Variants in ZNF276 observed in about 807,000 individuals in gnomAD.
The protein encoded by ZNF276 is zinc finger protein 276.
Under a neutral mutation model 63.9 loss-of-function variants are expected in ZNF276, and 59 were observed. That is an observed-to-expected ratio of 0.92 (90% CI 0.75 to 1.15). ZNF276 has a LOEUF of 1.15. Ranked by LOEUF, ZNF276 falls within the 50% of genes most tolerant of loss-of-function variation. The probability of loss-of-function intolerance (pLI) is 0.00; values close to 1 mark genes in which losing one functional copy is unlikely to be tolerated. For missense variants in ZNF276, 1,084 were observed against 843.8 expected, an observed-to-expected ratio of 1.28 and a Z score of -3.53; for synonymous variants, 496 against 348.4, an observed-to-expected ratio of 1.42 and a Z score of -4.72.
At chr16:89,726,610 C>T (rs915888066) in intron 4 of ZNF276, among the ~76,000 whole-genome samples, 6 of 151,970 alleles carry the variant, frequency 3.9e-5, no homozygotes, top group Non-Finnish European at 5.9e-5. Context: ...GGATTACAGG[C>T]GTGAGCCACT....
At position 89,721,852 on chromosome 16, in the gene ZNF276, C is replaced by A; in HGVS notation, c.205+7C>A. The stretch of plus-strand genomic sequence containing the variant: ...GACGGCGCGGACGAGGCAGGTGGGT[C>A]CGCGGCCCGGGCGTGGCGGGTTGGG... On this transcript the variant is annotated splice_region_variant and intron_variant, in intron 1 of 10. Transcript: ENST00000443381. 8.3e-7 allele frequency: 1 copy of A among 1,206,590 alleles called. No homozygotes were observed. Among genetic ancestry groups the A allele is most frequent in the South Asian group, 4.1e-5 (1 of 24,266 alleles). 74.7% of individuals were successfully genotyped at this position (1,206,590 alleles called of 1,614,324 possible). A position where few individuals can be genotyped will look rare whatever the true frequency, so the allele number is the denominator to read the frequency against.
In ZNF276 at chr16:89,721,592, C is replaced by T; in HGVS notation, c.-49C>T. On this transcript the variant is annotated 5_prime_UTR_variant, in exon 1 of 11. Transcript: ENST00000443381. Reference sequence around the variant, plus strand: ...AGCCTAACGCCGGGTCCTCTAGGAACCTCGGGCCGGGCAGCACCCGCGGGA... The same window carrying T: ...AGCCTAACGCCGGGTCCTCTAGGAATCTCGGGCCGGGCAGCACCCGCGGGA... The T allele has an allele frequency of 1.4e-6, 2 of 1,462,714 alleles. No homozygotes were observed. The highest frequency in any genetic ancestry group is 1.8e-6 in the Non-Finnish European group (2 of 1,110,448). 90.6% of individuals were successfully genotyped at this position (1,462,714 alleles called of 1,614,324 possible).
At position 89,721,578 on chromosome 16, in the gene ZNF276, G is replaced by C; in HGVS notation, c.-63G>C. 1 of 1,419,136 alleles carries C rather than the reference G, an allele frequency of 7.0e-7. No individual in the cohort carries two copies. The highest frequency in any genetic ancestry group is 1.3e-5 in the South Asian group (1 of 75,802). The allele number at this position is 1,419,136 out of a possible 1,614,324, so 87.9% of individuals were successfully genotyped here. On this transcript the variant is annotated 5_prime_UTR_variant, in exon 1 of 11. Transcript: ENST00000443381. Reference sequence around the variant, plus strand: ...AGCGCGCCGAGCGGAGCCTAACGCCGGGTCCTCTAGGAACCTCGGGCCGGG... The same window carrying C: ...AGCGCGCCGAGCGGAGCCTAACGCCCGGTCCTCTAGGAACCTCGGGCCGGG...
At chr16:89,729,355 T>G in intron 6 of ZNF276, 37 bp downstream of exon 6, 1 of 1,591,724 alleles carries the variant, frequency 6.3e-7, no homozygotes, top group Non-Finnish European at 8.6e-7. Context: ...GAGGCATCCG[T>G]TGGGCGACCT....
chr16:89,740,128 A>G lies in ZNF276; in HGVS notation c.*1882A>G. On this transcript the variant is annotated 3_prime_UTR_variant, in exon 11 of 11. Transcript: ENST00000443381. ...TAAACCGCAGGAGACCAACCCTGAG[A>G]ATGGCCGACCTGGTGCTCCCATGGG... 1 of 1,586,088 alleles carries G rather than the reference A, an allele frequency of 6.3e-7. No homozygotes were observed. The highest frequency in any genetic ancestry group is 8.7e-7 in the Non-Finnish European group (1 of 1,155,028).
In ZNF276 at chr16:89,733,317, G is replaced by A. The variant is rs200120406; in HGVS notation, c.1185G>A (p.Lys395=). Residue 395 remains lysine (K), a synonymous_variant, in exon 7 of 11, where the codon AAG becomes AAA. Coordinates refer to ENST00000443381, the MANE Select transcript of ZNF276 (RefSeq NM_001113525.2). ...PYPERKVSGK[K]SESKEAKKSE... is the part of the protein sequence containing the mutation. Reference sequence around the variant, plus strand: ...TTTTTTTCAGAGTCTCTGGTAAGAAGAGTGAAAGCAAAGAAGCCAAGAAGT... The same window carrying A: ...TTTTTTTCAGAGTCTCTGGTAAGAAAAGTGAAAGCAAAGAAGCCAAGAAGT... 4.3e-6 allele frequency: 7 copies of A among 1,614,068 alleles called. No homozygotes were observed. The highest frequency in any genetic ancestry group is 1.7e-5 in the Admixed American group (1 of 60,016).
chr16:89,723,784 A>G, intron 4 of ZNF276, 75 bp downstream of exon 4: 1 of 1,432,762 alleles, frequency 7.0e-7, no homozygotes, highest in Non-Finnish European at 9.4e-7. Flanking sequence ...GCAGAAAGTG[A>G]ATGTCTCCAC....
intron 6 of ZNF276, among the ~76,000 whole-genome samples, chr16:89,731,216 A>G (rs1407735971): frequency 6.6e-6 from 1 of 152,224 alleles, no homozygotes; most frequent in Admixed American, 6.5e-5. Flanking sequence ...CAGGGAGAGA[A>G]GGCGCAGCCT....
chr16:89,729,223 CTT>C lies in ZNF276; in HGVS notation c.1086-11_1086-10del. 1 of 1,613,628 alleles carries C rather than the reference CTT, an allele frequency of 6.2e-7. No homozygotes were observed. Among genetic ancestry groups the C allele is most frequent in the Non-Finnish European group, 8.5e-7 (1 of 1,179,582 alleles). ...CCCAGGGCTTTGCTGAAGATTCTCTCTTAATTCCTAGAGACGTCTTGAGTGAA... is the reference window on the plus strand; with the variant it reads ...CCCAGGGCTTTGCTGAAGATTCTCTCAATTCCTAGAGACGTCTTGAGTGAA... On this transcript the variant is annotated splice_polypyrimidine_tract_variant and intron_variant, in intron 5 of 10. Coordinates refer to ENST00000443381, the MANE Select transcript of ZNF276 (RefSeq NM_001113525.2).
chr16:89,723,137 G>A lies in ZNF276; in HGVS notation c.510G>A (p.Lys170=). The A allele has an allele frequency of 1.2e-6, 2 of 1,613,214 alleles. No individual in the cohort carries two copies. The highest frequency in any genetic ancestry group is 1.7e-6 in the Non-Finnish European group (2 of 1,180,038). The change falls in exon 3 of 11, where the codon AAG becomes AAA. Residue 170 remains lysine (K), a splice_region_variant and synonymous_variant. Coordinates refer to ENST00000443381, the MANE Select transcript of ZNF276 (RefSeq NM_001113525.2). ...TCATGGCCACACTGATCCTTTGCAG[G>A]GTCGGTGCCCAGCCCCCAACAGGGG... ...SPAGRRKPCA[K]VGAQPPTGAE...
At position 89,723,665 on chromosome 16, in the gene ZNF276, C is replaced by G; in HGVS notation, c.962C>G (p.Ser321Trp). ...PSDSDAVGPRSGFPPQPSLPL... is the reference protein window; with the variant it reads ...PSDSDAVGPRWGFPPQPSLPL... ...GACAGCGACGCGGTGGGGCCCAGGT[C>G]GGGCTTCCCACCTCAGCCAAGCCTG... Residue 321 changes from serine (S) to tryptophan (W), a missense_variant, in exon 4 of 11, where the codon TCG (serine) becomes TGG (tryptophan). Ser to Trp is a radical substitution (Grantham distance 177). Coordinates refer to ENST00000443381, the MANE Select transcript of ZNF276 (RefSeq NM_001113525.2). 1.9e-6 allele frequency: 3 copies of G among 1,612,180 alleles called. No individual in the cohort carries two copies. Among genetic ancestry groups the G allele is most frequent in the South Asian group, 1.1e-5 (1 of 91,054 alleles).
chr16:89,722,057 C>T (rs1212660932), intron 1 of ZNF276, among the ~76,000 whole-genome samples: 4 of 152,130 alleles, frequency 2.6e-5, no homozygotes, highest in Admixed American at 1.3e-4. Flanking sequence ...CCTCCCCGGC[C>T]GCGGGCTCGG....
chr16:89,735,890 T>G (rs2061852902), intron 9 of ZNF276, among the ~76,000 whole-genome samples: 2 of 50,700 alleles, frequency 3.9e-5, no homozygotes, highest in South Asian at 1.1e-3. Context: ...TGTTTTTTTT[T>G]GTTTGTTTGT....
At chr16:89,731,930 C>T (rs1385432980) in intron 6 of ZNF276, 1 of 152,140 alleles carries the variant, frequency 6.6e-6, no homozygotes, top group African/African-American at 2.4e-5. Flanking sequence ...TTTTCTTTTT[C>T]TTGCCCAGTT....
At chr16:89,720,569 CT>C, upstream of ZNF276, 1 of 1,193,756 alleles carries the variant, frequency 8.4e-7, no homozygotes, top group Non-Finnish European at 1.0e-6. Flanking sequence ...TCCGCAGGAT[CT>C]GAGCTGTCCA....
intron 9 of ZNF276, among the ~76,000 whole-genome samples, chr16:89,736,931 A>G (rs1172956235): frequency 3.9e-5 from 6 of 152,102 alleles, no homozygotes; most frequent in African/African-American, 1.4e-4. Flanking sequence ...CGTAGAGTAA[A>G]ATGCCAAGAT....
rs1163190624 is a variant in ZNF276, at chr16:89,738,105, C to T, written c.1704C>T (p.Asn568=). The change falls in exon 11 of 11, where the codon AAC becomes AAT. Residue 568 remains asparagine (N), a synonymous_variant. Transcript: ENST00000443381. The part of the protein sequence containing the change: ...QCGRRFEKAH[N]LNVHMSMVHP... ...GCCGGCGGTTTGAGAAGGCCCACAA[C>T]CTCAATGTACACATGTCCATGGTGC... The T allele has an allele frequency of 1.9e-6, 3 of 1,613,866 alleles. No individual in the cohort carries two copies. The African/African-American group carries it at 4.0e-5, about 22-fold the overall frequency.
intron 6 of ZNF276, chr16:89,732,176 C>G (rs2061675891): frequency 6.6e-6 from 1 of 152,152 alleles, no homozygotes; most frequent in Admixed American, 6.5e-5. Context: ...CTCTTTAAGT[C>G]TCCGATAGAC....
chr16:89,721,324 T>C (rs569301286), upstream of ZNF276: 5 of 276,760 alleles, frequency 1.8e-5, no homozygotes, highest in Admixed American at 2.2e-4. Flanking sequence ...GGACTCGTCG[T>C]GAGGTGTCGG....
Sources: gnomAD v4.1 joint callset for allele counts (sites outside exome capture counted in the v4.1 genomes callset) on GRCh38, gnomAD v4.1.1 for gene constraint, MANE v1.5 for transcripts, NCBI Gene and HGNC (gene_info 2026-07-23, HGNC 2026-07-21) for gene names.